The following STK17A variants were observed in gnomAD, a reference collection of about 807,000 sequenced individuals.
The protein encoded by STK17A is serine/threonine-protein kinase 17A.
Under a neutral mutation model 43.7 loss-of-function variants are expected in STK17A, and 26 were observed. The ratio of observed to expected loss-of-function variants is 0.60; its 90% CI spans 0.44 to 0.83. The LOEUF (loss-of-function observed/expected upper bound fraction) is 0.83. Among genes scored for constraint, STK17A ranks in the 40% least tolerant of loss-of-function variants. The probability of loss-of-function intolerance (pLI) is 0.00; values close to 1 mark genes in which losing one functional copy is unlikely to be tolerated. For missense variants in STK17A, 476 were observed against 511.6 expected (o/e 0.93, Z 0.67); for synonymous variants, 191 against 182.5 (o/e 1.05, Z -0.38).
At position 43,624,631 on chromosome 7, in the gene STK17A, A is replaced by G. The variant is rs539535387; in HGVS notation, c.1034A>G (p.Glu345Gly). Residue 345 changes from glutamate to glycine, a missense_variant, in exon 7 of 7, where the codon GAA becomes GGA. Around this residue, in one of 3 missense-constraint regions of STK17A, gnomAD observed 110 missense variants for 103.7 expected, o/e 1.06. Coordinates refer to ENST00000319357, the MANE Select transcript of STK17A (RefSeq NM_004760.3). ...CTAGAAGAAGCAAATGCCCTCCAAG[A>G]AGGTCATTCTGTGCCTGAAATTAAT... ...KALEEANALQ[E>G]GHSVPEINSD... 1.2e-6 allele frequency: 2 copies of G among 1,614,114 alleles called. No homozygotes were observed. Among genetic ancestry groups the G allele is most frequent in the Non-Finnish European group, 1.7e-6 (2 of 1,180,008 alleles).
At chr7:43,622,141 G>A (rs1319006684) in intron 4 of STK17A, 1 of 152,178 alleles carries the variant, frequency 6.6e-6, no homozygotes, top group Non-Finnish European at 1.5e-5. Flanking sequence ...GGTATTTCCT[G>A]TACCCTTCCT....
chr7:43,584,592 A>G (rs2152970040), intron 1 of STK17A, among the ~76,000 whole-genome samples: 1 of 152,382 alleles, frequency 6.6e-6, no homozygotes, highest in Middle Eastern at 3.4e-3. Context: ...TGGAAAGGCA[A>G]ACAATGTAAC....
chr7:43,596,265 C>T, intron 2 of STK17A, 152 bp downstream of exon 2: 1 of 608,468 alleles, frequency 1.6e-6, no homozygotes, highest in Non-Finnish European at 2.6e-6. Flanking sequence ...ATTAATATAA[C>T]ATGTTCCAAA....
intron 3 of STK17A, among the ~76,000 whole-genome samples, chr7:43,613,432 TCA>T (rs1472154554): frequency 2.0e-5 from 3 of 152,204 alleles, no homozygotes; most frequent in African/African-American, 7.2e-5. Context: ...AACTTGAGCA[TCA>T]CAGATTTTGG....
At chr7:43,615,725 C>A (rs1289317936) in intron 3 of STK17A, among the ~76,000 whole-genome samples, 1 of 152,202 alleles carries the variant, frequency 6.6e-6, no homozygotes, top group Non-Finnish European at 1.5e-5. Flanking sequence ...TTGCCTTGTG[C>A]TGTCGTCCAG....
At chr7:43,584,067 T>C (rs1308723500) in intron 1 of STK17A, among the ~76,000 whole-genome samples, 3 of 152,162 alleles carry the variant, frequency 2.0e-5, no homozygotes, top group Non-Finnish European at 4.4e-5. Flanking sequence ...TTTCTCGCTT[T>C]TTACTTTGCT....
rs749011542 is a variant in STK17A, at chr7:43,624,733, G to C, written c.1136G>C (p.Gly379Ala). ...ELIVVTSYTL[G>A]QCRQSEKEKM... is the part of the protein sequence containing the mutation. ...ATTGTAGTTACTTCATATACTCTAG[G>C]ACAATGCAGACAGTCTGAAAAAGAG... The change falls in exon 7 of 7, where the codon GGA becomes GCA. Residue 379 changes from glycine to alanine, a missense_variant. Transcript: ENST00000319357. 3.7e-6 allele frequency: 6 copies of C among 1,613,854 alleles called. No individual in the cohort carries two copies. The highest frequency in any genetic ancestry group is 5.1e-6 in the Non-Finnish European group (6 of 1,179,940).
At position 43,608,333 on chromosome 7, in the gene STK17A, T is replaced by A; in HGVS notation, c.497T>A (p.Leu166His). 6.2e-7 allele frequency: 1 copy of A among 1,614,138 alleles called. No individual in the cohort carries two copies. Among genetic ancestry groups the A allele is most frequent in the Non-Finnish European group, 8.5e-7 (1 of 1,180,004 alleles). The stretch of plus-strand genomic sequence containing the variant: ...TTTAAAGAAAAAGATGTTCAAAGAC[T>A]TATGCGACAGATTTTAGAAGGTGTT... ...EAFKEKDVQR[L>H]MRQILEGVHF... Residue 166 changes from leucine (L) to histidine (H), a missense_variant, in exon 3 of 7, where the codon CTT becomes CAT. Leu to His is a moderately conservative substitution (Grantham distance 99). Transcript: ENST00000319357.
rs200013621 is a variant in STK17A, at chr7:43,595,287, T to C, written c.207-614T>C. On this transcript the variant is annotated intron_variant, in intron 1 of 6. Coordinates refer to ENST00000319357, the MANE Select transcript of STK17A (RefSeq NM_004760.3). Reference sequence around the variant, plus strand: ...AATGGCTTTTTTTTTTTTTTTTTTTTCCCCCCTGGAGACAGAGTCTCACTC... The same window carrying C: ...AATGGCTTTTTTTTTTTTTTTTTTTCCCCCCCTGGAGACAGAGTCTCACTC... 6.9e-3 allele frequency among the ~76,000 whole-genome samples: 910 copies of C among 131,514 alleles called. 7 individuals carry two copies. Among genetic ancestry groups the C allele is most frequent in the East Asian group, 0.021 (99 of 4,704 alleles). 86.3% of individuals were successfully genotyped at this position (131,514 alleles called of 152,430 possible).
intron 2 of STK17A, among the ~76,000 whole-genome samples, chr7:43,598,890 G>A (rs1024914731): frequency 3.3e-5 from 5 of 151,902 alleles, no homozygotes; most frequent in Admixed American, 3.3e-4. Context: ...AGCCTCCTCA[G>A]TAGCTGGGAT....
At chr7:43,585,633 G>A (rs558858524) in intron 1 of STK17A, among the ~76,000 whole-genome samples, 1 of 151,614 alleles carries the variant, frequency 6.6e-6, no homozygotes, top group East Asian at 1.9e-4. Flanking sequence ...TTAATGCAGT[G>A]CTTAAGAACA....
intron 2 of STK17A, among the ~76,000 whole-genome samples, chr7:43,602,723 A>G (rs1319517903): frequency 1.3e-5 from 2 of 151,884 alleles, no homozygotes; most frequent in African/African-American, 4.8e-5. Context: ...TTTATGTTTT[A>G]TACATTTACC....
Position 43,583,224 on chromosome 7 carries a change from A to C in STK17A, c.-20A>C. 6.4e-7 allele frequency: 1 copy of C among 1,555,252 alleles called. No individual in the cohort carries two copies. The highest frequency in any genetic ancestry group is 8.7e-7 in the Non-Finnish European group (1 of 1,152,554). On this transcript the variant is annotated 5_prime_UTR_variant, in exon 1 of 7. Coordinates refer to ENST00000319357, the MANE Select transcript of STK17A (RefSeq NM_004760.3). ...GCTCGGAGTGAACAGGCGGCCAGGA[A>C]AGAAGCGGGCCTGAACACCATGATC... is the stretch of plus-strand genomic sequence containing the variant.
At chr7:43,596,138 AGTTT>A (rs2082513879) in intron 2 of STK17A, 25 bp downstream of exon 2, 5 of 1,589,542 alleles carry the variant, frequency 3.1e-6, no homozygotes, top group Middle Eastern at 2.2e-4. Flanking sequence ...TCTTAGATTA[AGTTT>A]GTTTGGTAGT....
Position 43,624,786 on chromosome 7 carries a change from C to T in STK17A, c.1189C>T (p.Arg397Ter), listed in dbSNP as rs193218605. 1.9e-6 allele frequency: 3 copies of T among 1,611,606 alleles called. No individual in the cohort carries two copies. Among genetic ancestry groups the T allele is most frequent in the Non-Finnish European group, 2.5e-6 (3 of 1,178,646 alleles). Residue 397 changes from arginine to a stop codon, truncating the protein, a stop_gained, in exon 7 of 7, where the codon CGA (arginine) becomes TGA (stop). Coordinates refer to ENST00000319357, the MANE Select transcript of STK17A (RefSeq NM_004760.3). LOFTEE classifies it high-confidence loss of function. ...AATGGAGCAAAAGGCCATTTCCAAACGATTTAAATTTGAGGAACCTTTGCT... is the reference window on the plus strand; with the variant it reads ...AATGGAGCAAAAGGCCATTTCCAAATGATTTAAATTTGAGGAACCTTTGCT... ...EKMEQKAISK[R>*]FKFEEPLLQE...
chr7:43,599,964 G>A (rs752382993), intron 2 of STK17A, among the ~76,000 whole-genome samples: 1 of 152,096 alleles, frequency 6.6e-6, no homozygotes, highest in Admixed American at 6.6e-5. Context: ...AGAGAGACCA[G>A]CTTGCCTTCT....
chr7:43,624,616 C>G lies in STK17A; in HGVS notation c.1019C>G (p.Ala340Gly). 1 of 1,614,062 alleles carries G rather than the reference C, an allele frequency of 6.2e-7. No individual in the cohort carries two copies. The change falls in exon 7 of 7, where the codon GCA (alanine) becomes GGA (glycine). Residue 340 changes from alanine to glycine, a missense_variant. Ala to Gly is a moderately conservative substitution (Grantham distance 60). Around this residue, in one of 3 missense-constraint regions of STK17A, gnomAD observed 110 missense variants for 103.7 expected, o/e 1.06. Transcript: ENST00000319357. ...AGGATGGAAAAGGCACTAGAAGAAG[C>G]AAATGCCCTCCAAGAAGGTCATTCT... is the stretch of plus-strand genomic sequence containing the variant. ...SFRMEKALEE[A>G]NALQEGHSVP... is the part of the protein sequence containing the mutation.
chr7:43,623,675 A>G (rs371980611), intron 5 of STK17A, 34 bp from the exon 6 acceptor site: 2 of 1,603,056 alleles, frequency 1.2e-6, no homozygotes, highest in Non-Finnish European at 8.5e-7. Context: ...TGAGTATGGT[A>G]CTAAATTTTT....
At chr7:43,585,854 C>T (rs1239973999) in intron 1 of STK17A, among the ~76,000 whole-genome samples, 2 of 151,432 alleles carry the variant, frequency 1.3e-5, no homozygotes, top group East Asian at 1.9e-4. Context: ...TTAAATGTAA[C>T]CCAAAAAGAA....
Sources: gnomAD v4.1 joint callset for allele counts (sites outside exome capture counted in the v4.1 genomes callset) on GRCh38, gnomAD v4.1.1 for gene constraint, gnomAD v4.1.1 regional missense constraint, MANE v1.5 for transcripts, NCBI Gene and HGNC (gene_info 2026-07-23, HGNC 2026-07-21) for gene names.